CLEC1A: variants seen among roughly 807,000 people sequenced by gnomAD.
The protein encoded by CLEC1A is C-type lectin domain family 1 member A, also known as C-type lectin-like receptor-1.
In CLEC1A, 34 loss-of-function variants were observed where a neutral mutation model predicts 28.7. The ratio of observed to expected loss-of-function variants is 1.18; its 90% CI spans 0.90 to 1.57. CLEC1A has a LOEUF of 1.57. Among genes scored for constraint, CLEC1A ranks in the 40% most tolerant of loss-of-function variants. The pLI, the probability that CLEC1A is intolerant of heterozygous loss-of-function variation, is 0.00. For missense variants in CLEC1A, 385 were observed against 339.5 expected (o/e 1.13, Z -1.05); for synonymous variants, 116 against 121.0 (o/e 0.96, Z 0.27).
At chr12:10,080,387 T>C (rs190875032) in intron 3 of CLEC1A, among the ~76,000 whole-genome samples, 21 of 152,250 alleles carry the variant, frequency 1.4e-4, no homozygotes, top group South Asian at 4.1e-4. Context: ...ATTAGTTATG[T>C]AGGAAAGAAT....
At chr12:10,078,498 C>T (rs1044837073) in intron 3 of CLEC1A, among the ~76,000 whole-genome samples, 3 of 152,264 alleles carry the variant, frequency 2.0e-5, no homozygotes, top group South Asian at 4.1e-4. Context: ...GGATTTACGA[C>T]AGCTCTATTT....
At chr12:10,091,645 C>A (rs1166757428) in intron 1 of CLEC1A, among the ~76,000 whole-genome samples, 5 of 118,132 alleles carry the variant, frequency 4.2e-5, no homozygotes, top group African/African-American at 1.4e-4. Flanking sequence ...TATTTCAGAT[C>A]AGCAGAACAT....
intron 3 of CLEC1A, among the ~76,000 whole-genome samples, chr12:10,078,653 G>A (rs1032884591): frequency 3.3e-5 from 5 of 152,180 alleles, no homozygotes; most frequent in Admixed American, 2.6e-4. Flanking sequence ...TTCCCAGAAT[G>A]TGGGACTTTT....
intron 1 of CLEC1A, among the ~76,000 whole-genome samples, chr12:10,092,990 T>C (rs2137370475): frequency 6.6e-6 from 1 of 152,186 alleles, no homozygotes; most frequent in Admixed American, 6.5e-5. Flanking sequence ...AGAAACACAA[T>C]CCTAGGGAGT....
intron 1 of CLEC1A, among the ~76,000 whole-genome samples, chr12:10,094,408 AGGAT>A (rs1474719410): frequency 6.6e-6 from 1 of 152,024 alleles, no homozygotes; most frequent in Non-Finnish European, 1.5e-5. Context: ...GTAACTCCCC[AGGAT>A]TGTGTTTCTC....
intron 2 of CLEC1A, 142 bp downstream of exon 2, chr12:10,088,982 T>G (rs1866557409): frequency 2.9e-6 from 2 of 685,784 alleles, no homozygotes; most frequent in Non-Finnish European, 2.6e-6. Flanking sequence ...ACTATTTAAA[T>G]AGTTGCCATT....
At position 10,071,284 on chromosome 12, in the gene CLEC1A, C is replaced by CTT. The variant is rs1591900187; in HGVS notation, c.*47_*48dup. 1.7e-5 allele frequency: 27 copies of CTT among 1,563,782 alleles called. No homozygotes were observed. The highest frequency in any genetic ancestry group is 2.3e-5 in the Non-Finnish European group (26 of 1,147,762). On this transcript the variant is annotated 3_prime_UTR_variant, in exon 6 of 6. Transcript: ENST00000315330. The stretch of plus-strand genomic sequence containing the variant: ...TTCCCAATGTCTCAACTAGCCCTTG[C>CTT]TTTGGCACCGCCTGGCTCACTCTGC...
At chr12:10,097,235 T>A (rs942300290) in intron 1 of CLEC1A, among the ~76,000 whole-genome samples, 6 of 152,222 alleles carry the variant, frequency 3.9e-5, no homozygotes, top group African/African-American at 1.4e-4. Flanking sequence ...AATGAATGTG[T>A]GTGTGATTTA....
chr12:10,073,100 AAC>A lies in CLEC1A; in HGVS notation c.662+191_662+192del, dbSNP rs376572534. On this transcript the variant is annotated intron_variant, in intron 5 of 5. Transcript: ENST00000315330. ...ATCTCAAAAAACAATCAAACGAACA[AAC>A]ACACACACACACACAAACAAAATGA... is the stretch of plus-strand genomic sequence containing the variant. Among the ~76,000 whole-genome samples, 11 of 150,978 alleles carry A rather than the reference AAC, an allele frequency of 7.3e-5. 1 individual carries two copies. The highest frequency in any genetic ancestry group is 6.3e-4 in the South Asian group (3 of 4,782).
chr12:10,086,019 T>G (rs1225027276), intron 2 of CLEC1A, among the ~76,000 whole-genome samples: 1 of 152,138 alleles, frequency 6.6e-6, no homozygotes, highest in Non-Finnish European at 1.5e-5. Context: ...AATTGAAAAT[T>G]AACAATACAA....
At chr12:10,098,785 T>C (rs1284829189) in intron 1 of CLEC1A, 23 bp downstream of exon 1, 2 of 1,521,754 alleles carry the variant, frequency 1.3e-6, no homozygotes, top group Admixed American at 1.7e-5. Context: ...TGTGGTCTAT[T>C]TGGACTCCAG....
At chr12:10,089,095 T>A in intron 2 of CLEC1A, 29 bp downstream of exon 2, 2 of 1,535,724 alleles carry the variant, frequency 1.3e-6, no homozygotes, top group Non-Finnish European at 1.8e-6. Context: ...GGAACCAGGA[T>A]CCTCCCCCAG....
At chr12:10,072,352 G>A (rs914664382) in intron 5 of CLEC1A, among the ~76,000 whole-genome samples, 3 of 152,112 alleles carry the variant, frequency 2.0e-5, no homozygotes, top group African/African-American at 7.2e-5. Flanking sequence ...CCAACCTCAG[G>A]CATTCATTTA....
At chr12:10,073,937 C>T (rs1336754060) in intron 4 of CLEC1A, among the ~76,000 whole-genome samples, 4 of 152,310 alleles carry the variant, frequency 2.6e-5, no homozygotes, top group Non-Finnish European at 4.4e-5. Context: ...TATGTGCACA[C>T]ATGTGTATAG....
chr12:10,077,796 T>C (rs1866285029), intron 3 of CLEC1A, among the ~76,000 whole-genome samples: 1 of 152,160 alleles, frequency 6.6e-6, no homozygotes, highest in Non-Finnish European at 1.5e-5. Context: ...CCATTTCTCC[T>C]TTATTTTTGC....
chr12:10,082,486 C>G (rs1393498073), intron 2 of CLEC1A, among the ~76,000 whole-genome samples: 1 of 152,108 alleles, frequency 6.6e-6, no homozygotes, highest in Non-Finnish European at 1.5e-5. Context: ...ACCCCCATCC[C>G]CCACAGGATT....
intron 3 of CLEC1A, among the ~76,000 whole-genome samples, chr12:10,076,644 C>T (rs1484032339): frequency 6.6e-6 from 1 of 152,036 alleles, no homozygotes; most frequent in African/African-American, 2.4e-5. Context: ...TGCAGGGAGC[C>T]TCAGACGTTC....
intron 2 of CLEC1A, among the ~76,000 whole-genome samples, chr12:10,088,105 G>A (rs1328879509): frequency 6.6e-6 from 1 of 151,976 alleles, no homozygotes; most frequent in African/African-American, 2.4e-5. Context: ...TTTACAGTTT[G>A]CAATTAGGAT....
Position 10,070,350 on chromosome 12 carries a change from AG to A in CLEC1A, c.*982del, listed in dbSNP as rs1866099750. On this transcript the variant is annotated 3_prime_UTR_variant, in exon 6 of 6. Transcript: ENST00000315330. ...ATTTTCTCCAGATAATCATGTAATCAGTACTCTTGTAAATTCCCCAAAAACT... is the reference window on the plus strand; with the variant it reads ...ATTTTCTCCAGATAATCATGTAATCATACTCTTGTAAATTCCCCAAAAACT... 6.6e-6 allele frequency: 1 copy of A among 152,242 alleles called. No individual in the cohort carries two copies. The highest frequency in any genetic ancestry group is 2.4e-5 in the African/African-American group (1 of 41,470). 9.4% of individuals were successfully genotyped at this position (152,242 alleles called of 1,614,324 possible). A position where few individuals can be genotyped will look rare whatever the true frequency, so the allele number is the denominator to read the frequency against.
Sources: allele counts gnomAD v4.1 joint callset (sites outside exome capture counted in the v4.1 genomes callset), GRCh38; gene constraint gnomAD v4.1.1; transcripts MANE v1.5; gene names NCBI Gene and HGNC (gene_info 2026-07-23, HGNC 2026-07-21).